Variants in SLC25A48 observed in about 807,000 individuals in gnomAD.
SLC25A48 encodes CTC-321K16.1.
In SLC25A48, 29 loss-of-function variants were observed where a neutral mutation model predicts 32.2. The ratio of observed to expected loss-of-function variants is 0.90; its 90% confidence interval spans 0.67 to 1.23. SLC25A48 has a LOEUF of 1.23. Ranked by LOEUF, SLC25A48 falls within the 50% of genes most tolerant of loss-of-function variation. SLC25A48 has a pLI of 0.00. For synonymous variants in SLC25A48, 164 were observed against 172.3 expected (o/e 0.95, Z 0.38); for missense variants, 399 against 422.7 (o/e 0.94, Z 0.49).
chr5:135,710,679 A>G (rs970912337), intron 3 of SLC25A48, among the ~76,000 whole-genome samples: 4 of 152,250 alleles, frequency 2.6e-5, no homozygotes, highest in Non-Finnish European at 5.9e-5. Flanking sequence ...TGCATAGGAA[A>G]GGACCTGGAA....
At position 135,848,545 on chromosome 5, in the gene SLC25A48, C is replaced by G. The variant is rs186218793; in HGVS notation, c.91-1880C>G. ...AAATTACCTTTTCCTTCTTATCACC[C>G]AGCTCTTCTTATCCTTGGTTTATTT... is the stretch of plus-strand genomic sequence containing the variant. On this transcript the variant is annotated intron_variant, in intron 2 of 7. Coordinates refer to ENST00000681962, the MANE Select transcript of SLC25A48 (RefSeq NM_001349336.2). Among the ~76,000 whole-genome samples the G allele has an allele frequency of 4.3e-4, 66 of 152,324 alleles. No individual in the cohort carries two copies. In the East Asian group the frequency reaches 0.012, roughly 27 times the overall value.
intron 3 of SLC25A48, among the ~76,000 whole-genome samples, chr5:135,713,429 C>T (rs1373811989): frequency 6.6e-6 from 1 of 152,168 alleles, no homozygotes; most frequent in Non-Finnish European, 1.5e-5. Flanking sequence ...CCTTCTGAGG[C>T]CTCCCAGCAG....
At chr5:135,851,110 A>C (rs1388528494) in intron 3 of SLC25A48, among the ~76,000 whole-genome samples, 1 of 152,228 alleles carries the variant, frequency 6.6e-6, no homozygotes, top group African/African-American at 2.4e-5. Context: ...AGAAACCATC[A>C]GGTGGAACCC....
At chr5:135,871,076 C>G (rs1055882203) in intron 4 of SLC25A48, among the ~76,000 whole-genome samples, 1 of 108,074 alleles carries the variant, frequency 9.3e-6, no homozygotes, top group Non-Finnish European at 1.8e-5. Context: ...CACACACACA[C>G]ACACACACAC....
chr5:135,857,279 G>T (rs1375286650), intron 4 of SLC25A48, among the ~76,000 whole-genome samples: 1 of 152,192 alleles, frequency 6.6e-6, no homozygotes, highest in Non-Finnish European at 1.5e-5. Context: ...CTGAAGCTAG[G>T]CTAGAAGCAT....
chr5:135,589,080 T>C (rs902742449), intron 1 of SLC25A48, among the ~76,000 whole-genome samples: 3 of 152,204 alleles, frequency 2.0e-5, no homozygotes. Context: ...ACAGAAACTT[T>C]CACATAATGA....
chr5:135,589,059 T>C (rs916243241), intron 1 of SLC25A48, among the ~76,000 whole-genome samples: 1 of 152,234 alleles, frequency 6.6e-6, no homozygotes, highest in Admixed American at 6.5e-5. Flanking sequence ...CAGTCCAGCC[T>C]GTGCCCGTGC....
intron 3 of SLC25A48, among the ~76,000 whole-genome samples, chr5:135,739,435 C>G (rs1755450761): frequency 6.6e-6 from 1 of 152,178 alleles, no homozygotes; most frequent in South Asian, 2.1e-4. Flanking sequence ...CCACAACTTA[C>G]ACACTCCCTG....
At chr5:135,638,221 A>C (rs1404938470) in intron 3 of SLC25A48, among the ~76,000 whole-genome samples, 1 of 152,260 alleles carries the variant, frequency 6.6e-6, no homozygotes, top group African/African-American at 2.4e-5. Context: ...TATTGAAATA[A>C]AACAAAAAAA....
At chr5:135,850,380 A>T (rs369714469) in intron 2 of SLC25A48, 45 bp from the exon 3 acceptor site, 1 of 1,591,618 alleles carries the variant, frequency 6.3e-7, no homozygotes, top group Non-Finnish European at 8.6e-7. Flanking sequence ...CAGTGGGGCT[A>T]TGAATAACCT....
chr5:135,839,050 C>T (rs959788799), intron 1 of SLC25A48, among the ~76,000 whole-genome samples: 1 of 152,196 alleles, frequency 6.6e-6, no homozygotes, highest in Non-Finnish European at 1.5e-5. Context: ...TCATTGCCAG[C>T]CTCATGGGTA....
chr5:135,808,246 A>G (rs909758753), intron 3 of SLC25A48, among the ~76,000 whole-genome samples: 1 of 150,436 alleles, frequency 6.6e-6, no homozygotes, highest in African/African-American at 2.4e-5. Context: ...AACACTTGAT[A>G]TTATTATAAA....
rs370909578 is a variant in SLC25A48 at position 135,839,282 on chromosome 5, G to A, written c.47-3134G>A. Among the ~76,000 whole-genome samples the A allele has an allele frequency of 3.9e-5, 6 of 152,268 alleles. No individual in the cohort carries two copies. The East Asian group carries it at 1.2e-3, about 29-fold the overall frequency. On this transcript the variant is annotated intron_variant, in intron 1 of 7. Coordinates refer to ENST00000681962, the MANE Select transcript of SLC25A48 (RefSeq NM_001349336.2). ...ACAGGATGGAGCTGCCCAAGACCAT[G>A]AGAACCCACCTCTTGCATTAGTGTG...
chr5:135,734,135 T>C (rs893396914), intron 3 of SLC25A48, among the ~76,000 whole-genome samples: 34 of 151,614 alleles, frequency 2.2e-4, no homozygotes, highest in African/African-American at 8.3e-4. Context: ...GGGGTAAGGG[T>C]GATTAGGTTT....
chr5:135,875,979 T>C (rs1186543468), intron 6 of SLC25A48: 2 of 152,186 alleles, frequency 1.3e-5, no homozygotes, highest in Non-Finnish European at 2.9e-5. Context: ...GAGTTCTGTC[T>C]TTATGTTTTA....
chr5:135,815,850 A>T (rs1270198486), intron 4 of SLC25A48, among the ~76,000 whole-genome samples: 2 of 152,170 alleles, frequency 1.3e-5, no homozygotes, highest in South Asian at 2.1e-4. Flanking sequence ...TTTTTATTTT[A>T]AAAAAATCTA....
chr5:135,875,646 A>G (rs1191542544), intron 6 of SLC25A48: 1 of 152,284 alleles, frequency 6.6e-6, no homozygotes, highest in Non-Finnish European at 1.5e-5. Context: ...AGCACCTAGT[A>G]TGTGGTAGGC....
chr5:135,741,879 G>A (rs960981726), intron 3 of SLC25A48, among the ~76,000 whole-genome samples: 5 of 152,120 alleles, frequency 3.3e-5, no homozygotes, highest in African/African-American at 1.2e-4. Flanking sequence ...TTAATAAGGA[G>A]GAAAAAGAAG....
At chr5:135,581,634 C>G (rs1751237153) in intron 1 of SLC25A48, among the ~76,000 whole-genome samples, 1 of 152,240 alleles carries the variant, frequency 6.6e-6, no homozygotes, top group African/African-American at 2.4e-5. Context: ...GTAGTTGGCT[C>G]TAGAAATATG....
Sources: allele counts gnomAD v4.1 joint callset (sites outside exome capture counted in the v4.1 genomes callset), GRCh38; gene constraint gnomAD v4.1.1; transcripts MANE v1.5; gene names NCBI Gene and HGNC (gene_info 2026-07-23, HGNC 2026-07-21).